Variants in SPMAP2L observed in about 807,000 individuals in gnomAD.
SPMAP2L encodes sperm microtubule associated protein 2-like.
the SPMAP2L span, among the ~76,000 whole-genome samples, chr4:56,549,524 G>A: frequency 1.1e-4 from 17 of 152,298 alleles, no homozygotes; most frequent in African/African-American, 4.1e-4. Context: ...AAGTATATGT[G>A]TACATGTGCA....
the SPMAP2L span, among the ~76,000 whole-genome samples, chr4:56,550,398 G>A: frequency 6.6e-6 from 1 of 152,062 alleles, no homozygotes; most frequent in African/African-American, 2.4e-5. Context: ...TTTCTCACAA[G>A]AATTCTGAAA....
chr4:56,576,978 C>A, the SPMAP2L span, among the ~76,000 whole-genome samples: 2 of 152,128 alleles, frequency 1.3e-5, no homozygotes, highest in Non-Finnish European at 2.9e-5. Context: ...GGCTTAAGCT[C>A]TTTATTATGA....
chr4:56,548,015 G>T, the SPMAP2L span, among the ~76,000 whole-genome samples: 4 of 152,230 alleles, frequency 2.6e-5, no homozygotes, highest in South Asian at 6.2e-4. Flanking sequence ...TCTATAAATA[G>T]AATTGGACTA....
At chr4:56,560,058 T>G in the SPMAP2L span, among the ~76,000 whole-genome samples, 4 of 152,196 alleles carry the variant, frequency 2.6e-5, no homozygotes, top group Admixed American at 6.5e-5. Context: ...TATAATGCTT[T>G]GGTTTATGAG....
At chr4:56,537,909 G>C in the SPMAP2L span, among the ~76,000 whole-genome samples, 2 of 152,026 alleles carry the variant, frequency 1.3e-5, no homozygotes, top group Non-Finnish European at 2.9e-5. Context: ...TAGCCAGGAT[G>C]GTCTTGATCT....
the SPMAP2L span, chr4:56,595,396 G>A: frequency 1.9e-6 from 3 of 1,604,660 alleles, no homozygotes; most frequent in Admixed American, 3.3e-5. Context: ...GGAGGACAAG[G>A]CAGAGCTGGA....
At chr4:56,594,907 A>G in the SPMAP2L span, 1 of 1,611,494 alleles carries the variant, frequency 6.2e-7, no homozygotes, top group Non-Finnish European at 8.5e-7. Context: ...TCTCGCACCT[A>G]AATCTTCACA....
At chr4:56,560,903 G>A in the SPMAP2L span, among the ~76,000 whole-genome samples, 6 of 152,010 alleles carry the variant, frequency 3.9e-5, no homozygotes, top group East Asian at 9.7e-4. Flanking sequence ...GAGCCACCAT[G>A]TCTGGCTACT....
chr4:56,578,317 CA>C, the SPMAP2L span, among the ~76,000 whole-genome samples: 1 of 151,376 alleles, frequency 6.6e-6, no homozygotes, highest in African/African-American at 2.4e-5. Flanking sequence ...GTAAGATGTA[CA>C]GAGAAACAAC....
chr4:56,567,640 A>G, the SPMAP2L span, among the ~76,000 whole-genome samples: 3 of 151,748 alleles, frequency 2.0e-5, no homozygotes, highest in South Asian at 4.2e-4. Flanking sequence ...CAGCTTTTGC[A>G]TATCTTAAAA....
At chr4:56,604,452 G>T in the SPMAP2L span, among the ~76,000 whole-genome samples, 31,141 of 152,024 alleles carry the variant, frequency 0.2, 3,592 homozygotes, top group East Asian at 0.41. Flanking sequence ...GAGGTCAGGG[G>T]TTCAAGACCA....
the SPMAP2L span, chr4:56,600,972 A>C: frequency 7.8e-6 from 12 of 1,535,420 alleles, no homozygotes; most frequent in South Asian, 1.2e-5. Flanking sequence ...CTAGCCCCCG[A>C]ACAATAGCTC....
chr4:56,578,046 G>T, the SPMAP2L span, among the ~76,000 whole-genome samples: 1 of 151,968 alleles, frequency 6.6e-6, no homozygotes. Flanking sequence ...AACTACATAG[G>T]TAAATATAGA....
the SPMAP2L span, among the ~76,000 whole-genome samples, chr4:56,610,336 C>G: frequency 6.6e-6 from 1 of 152,060 alleles, no homozygotes; most frequent in Non-Finnish European, 1.5e-5. Context: ...AACAAAAACA[C>G]AAAGTGGGGA....
At chr4:56,584,681 G>C in the SPMAP2L span, 1 of 1,069,296 alleles carries the variant, frequency 9.4e-7, no homozygotes, top group African/African-American at 1.6e-5. Context: ...TCTTTTTCTA[G>C]ATGTGTTTTC....
chr4:56,599,952 A>G, the SPMAP2L span, among the ~76,000 whole-genome samples: 2 of 152,164 alleles, frequency 1.3e-5, no homozygotes, highest in East Asian at 1.9e-4. Flanking sequence ...CAAAACCACA[A>G]TGAGATACCA....
At chr4:56,552,461 T>C in the SPMAP2L span, 798 of 730,096 alleles carry the variant, frequency 1.1e-3, 2 homozygotes, top group Admixed American at 1.7e-3. Context: ...TTAGTTCTTT[T>C]TTTTCCCCCC....
the SPMAP2L span, among the ~76,000 whole-genome samples, chr4:56,582,505 C>A: frequency 1.2e-4 from 18 of 152,020 alleles, no homozygotes; most frequent in East Asian, 3.5e-3. Flanking sequence ...AATGAGATAC[C>A]ACTTCACACT....
At chr4:56,559,807 C>A in the SPMAP2L span, among the ~76,000 whole-genome samples, 1 of 152,060 alleles carries the variant, frequency 6.6e-6, no homozygotes, top group Non-Finnish European at 1.5e-5. Context: ...GACATTGTGA[C>A]CTGCCTGCCT....
Sources: allele counts gnomAD v4.1 joint callset (sites outside exome capture counted in the v4.1 genomes callset), GRCh38; gene constraint gnomAD v4.1.1; transcripts MANE v1.5; gene names NCBI Gene and HGNC (gene_info 2026-07-23, HGNC 2026-07-21).